The following ADK variants were observed in gnomAD, a reference collection of about 807,000 sequenced individuals.
ADK encodes N6,N6-dimethyladenosine kinase.
In ADK, 24 loss-of-function variants were observed where a neutral mutation model predicts 44.7. The observed-to-expected ratio is 0.54, with a 90% CI of 0.39 to 0.76. ADK has a LOEUF of 0.76. ADK is among the 30% of genes least tolerant of loss of function. ADK has a pLI of 0.00. For synonymous variants in ADK, 128 were observed against 142.6 expected (o/e 0.90, Z 0.73); for missense variants, 321 against 425.1 (o/e 0.76, Z 2.15).
In ADK at chr10:74,196,382, A is replaced by G. The variant is rs192828774; in HGVS notation, c.66-4382A>G. On this transcript the variant is annotated intron_variant, in intron 1 of 10. Coordinates refer to ENST00000539909, the MANE Select transcript of ADK (RefSeq NM_006721.4). ...TGGTAAAACCCCATCTCTACTAAAA[A>G]TACAGAAATTAGCTGGGCATAGTGG... Among the ~76,000 whole-genome samples the G allele has an allele frequency of 1.5e-3, 235 of 152,170 alleles. 1 individual carries two copies. The highest frequency in any genetic ancestry group is 5.3e-3 in the African/African-American group (222 of 41,530).
At chr10:74,329,623 C>G (rs1293118670) in intron 4 of ADK, among the ~76,000 whole-genome samples, 2 of 152,118 alleles carry the variant, frequency 1.3e-5, no homozygotes, top group Admixed American at 1.3e-4. Context: ...TAGGTGACCA[C>G]TGGGAAACTA....
At chr10:74,668,089 G>A (rs926924265) in intron 9 of ADK, among the ~76,000 whole-genome samples, 4 of 152,176 alleles carry the variant, frequency 2.6e-5, no homozygotes, top group East Asian at 3.9e-4. Context: ...TAAATGTATT[G>A]TAAATAGTAA....
chr10:74,543,221 A>AC (rs1169719338), intron 7 of ADK, among the ~76,000 whole-genome samples: 1 of 151,760 alleles, frequency 6.6e-6, no homozygotes, highest in African/African-American at 2.4e-5. Context: ...AAAAAAAAAA[A>AC]AAAACTGAGA....
intron 6 of ADK, among the ~76,000 whole-genome samples, chr10:74,475,449 T>G (rs1399995121): frequency 2.6e-5 from 4 of 152,132 alleles, no homozygotes; most frequent in South Asian, 2.1e-4. Flanking sequence ...GGTGACTCAA[T>G]TCTCTAATCC....
chr10:74,434,633 AG>A (rs1261822957), intron 6 of ADK, among the ~76,000 whole-genome samples: 2 of 152,196 alleles, frequency 1.3e-5, no homozygotes, highest in African/African-American at 4.8e-5. Flanking sequence ...GTTAAAGCAG[AG>A]GGGACTTCCT....
intron 3 of ADK, among the ~76,000 whole-genome samples, chr10:74,291,321 G>A (rs1847423091): frequency 6.6e-6 from 1 of 152,122 alleles, no homozygotes; most frequent in African/African-American, 2.4e-5. Context: ...GGAGGCTGAG[G>A]CAGGAGAATG....
intron 7 of ADK, among the ~76,000 whole-genome samples, chr10:74,565,581 G>A (rs1850633676): frequency 2.0e-5 from 3 of 152,048 alleles, no homozygotes; most frequent in African/African-American, 7.2e-5. Flanking sequence ...TACAAAATTA[G>A]CTGGGCATGG....
At chr10:74,304,520 T>A (rs1423310123) in intron 3 of ADK, among the ~76,000 whole-genome samples, 6 of 152,058 alleles carry the variant, frequency 3.9e-5, no homozygotes, top group African/African-American at 1.4e-4. Flanking sequence ...TGACTTAGAG[T>A]GGAATTTCTC....
chr10:74,341,513 G>T lies in ADK; in HGVS notation c.273+26768G>T, dbSNP rs11814352. On this transcript the variant is annotated intron_variant, in intron 4 of 10. Transcript: ENST00000539909. ...CTGCACTGCAGCCTGGACAACAAGA[G>T]CGAGACTCCGTCTCAAAAAAAAAAA... is the stretch of plus-strand genomic sequence containing the variant. Among the ~76,000 whole-genome samples the T allele has an allele frequency of 5.0e-3, 748 of 148,144 alleles. 9 individuals carry two copies. Among genetic ancestry groups the T allele is most frequent in the African/African-American group, 0.017 (676 of 39,734 alleles).
chr10:74,238,889 G>A (rs1456876643), intron 3 of ADK, among the ~76,000 whole-genome samples: 2 of 116,268 alleles, frequency 1.7e-5, no homozygotes, highest in African/African-American at 7.5e-5. Context: ...TTAAGACGGA[G>A]TCTCGCTCTG....
chr10:74,592,925 G>C lies in ADK; in HGVS notation c.762+3608G>C, dbSNP rs191910955. Among the ~76,000 whole-genome samples the C allele has an allele frequency of 9.2e-5, 14 of 152,276 alleles. No homozygotes were observed. The East Asian group carries it at 2.7e-3, about 29-fold the overall frequency. ...TTCAGTCATACTAGGCACATATTGAGTACTCTATAGACTATGTAGCTAATG... is the reference window on the plus strand; with the variant it reads ...TTCAGTCATACTAGGCACATATTGACTACTCTATAGACTATGTAGCTAATG... On this transcript the variant is annotated intron_variant, in intron 8 of 10. Coordinates refer to ENST00000539909, the MANE Select transcript of ADK (RefSeq NM_006721.4).
chr10:74,647,534 GTA>G (rs1564835010), intron 9 of ADK, among the ~76,000 whole-genome samples: 1 of 152,124 alleles, frequency 6.6e-6, no homozygotes, highest in Non-Finnish European at 1.5e-5. Context: ...ACATATAAGT[GTA>G]TATGCCTCTT....
intron 9 of ADK, chr10:74,641,441 T>C (rs1224318159): frequency 3.3e-5 from 5 of 152,250 alleles, no homozygotes; most frequent in African/African-American, 1.2e-4. Flanking sequence ...CAGATCCCCA[T>C]CTATCTTGGG....
At chr10:74,406,830 C>T (rs1480943093) in intron 6 of ADK, among the ~76,000 whole-genome samples, 1 of 151,454 alleles carries the variant, frequency 6.6e-6, no homozygotes, top group Non-Finnish European at 1.5e-5. Flanking sequence ...ACAGGCACGC[C>T]TCACCACACC....
In ADK at chr10:74,433,675, A is replaced by T. The variant is rs188676406; in HGVS notation, c.555+35096A>T. ...ATTTTCAAAATTATTTGAATCCAATAATCATTTAAGTCAGTCATTCAGTAA... is the reference window on the plus strand; with the variant it reads ...ATTTTCAAAATTATTTGAATCCAATTATCATTTAAGTCAGTCATTCAGTAA... On this transcript the variant is annotated intron_variant, in intron 6 of 10. Coordinates refer to ENST00000539909, the MANE Select transcript of ADK (RefSeq NM_006721.4). Among the ~76,000 whole-genome samples, 785 of 152,318 alleles carry T rather than the reference A, an allele frequency of 5.2e-3. 3 individuals carry two copies. The highest frequency in any genetic ancestry group is 7.2e-3 in the Non-Finnish European group (493 of 68,014).
At chr10:74,186,961 G>A (rs1842788333) in intron 1 of ADK, among the ~76,000 whole-genome samples, 2 of 152,066 alleles carry the variant, frequency 1.3e-5, no homozygotes, top group African/African-American at 4.8e-5. Flanking sequence ...AAATATCTAG[G>A]AGTGAAATTG....
intron 3 of ADK, among the ~76,000 whole-genome samples, chr10:74,275,282 A>G (rs1163306156): frequency 6.6e-6 from 1 of 152,122 alleles, no homozygotes; most frequent in Non-Finnish European, 1.5e-5. Context: ...TGATAAGGAA[A>G]TACCAGAGAG....
intron 1 of ADK, among the ~76,000 whole-genome samples, chr10:74,189,276 A>G (rs546311160): frequency 8.4e-4 from 127 of 152,064 alleles, no homozygotes; most frequent in Admixed American, 1.4e-3. Flanking sequence ...GCTATTTTCA[A>G]TTTTACATGG....
At chr10:74,428,283 C>A (rs1364964395) in intron 6 of ADK, among the ~76,000 whole-genome samples, 1 of 152,180 alleles carries the variant, frequency 6.6e-6, no homozygotes, top group Non-Finnish European at 1.5e-5. Context: ...CCTACTAAAA[C>A]TAAAGCTCTT....
Sources: allele counts gnomAD v4.1 joint callset (sites outside exome capture counted in the v4.1 genomes callset), GRCh38; gene constraint gnomAD v4.1.1; transcripts MANE v1.5; gene names NCBI Gene and HGNC (gene_info 2026-07-23, HGNC 2026-07-21).